ZFYVE16: variants seen among roughly 807,000 people sequenced by gnomAD.
The protein encoded by ZFYVE16 is zinc finger FYVE-type containing 16.
A neutral mutation model predicts 138.1 loss-of-function variants in ZFYVE16; 89 were observed. The observed-to-expected ratio is 0.64, with a 90% CI of 0.54 to 0.77. The LOEUF (loss-of-function observed/expected upper bound fraction) is 0.77, where lower values mean the gene tolerates loss of function less well. ZFYVE16 is among the 30% of genes least tolerant of loss of function. The pLI, the probability that ZFYVE16 is intolerant of heterozygous loss-of-function variation, is 0.00. For synonymous variants in ZFYVE16, 596 were observed against 618.3 expected, an observed-to-expected ratio of 0.96 and a Z score of 0.53; for missense variants, 1,793 against 1,786.7, an observed-to-expected ratio of 1.00 and a Z score of -0.06.
chr5:80,449,756 A>C lies in ZFYVE16; in HGVS notation c.3226+43A>C, dbSNP rs141765139. ...CTTATTTGCTTAATTGGTAAGCAGG[A>C]TTTCTGAATTAATTACATCTTCAGG... On this transcript the variant is annotated intron_variant, in intron 9 of 18. Transcript: ENST00000505560. 420 of 1,530,474 alleles carry C rather than the reference A, an allele frequency of 2.7e-4. 2 individuals carry two copies. The Middle Eastern group carries it at 3.2e-3, about 12-fold the overall frequency. The allele number at this position is 1,530,474 out of a possible 1,614,324, so 94.8% of individuals were successfully genotyped here.
At chr5:80,453,576 G>A (rs906881681) in intron 11 of ZFYVE16, among the ~76,000 whole-genome samples, 10 of 152,160 alleles carry the variant, frequency 6.6e-5, no homozygotes, top group Admixed American at 1.3e-4. Context: ...TGGTAATGAG[G>A]GGAAATTGTC....
intron 2 of ZFYVE16, among the ~76,000 whole-genome samples, chr5:80,432,024 G>A (rs1257186292): frequency 6.6e-6 from 1 of 152,172 alleles, no homozygotes; most frequent in Non-Finnish European, 1.5e-5. Context: ...GTAATTTATA[G>A]ATTCAGTGCC....
At chr5:80,441,473 C>G in intron 5 of ZFYVE16, 1 of 985,096 alleles carries the variant, frequency 1.0e-6, no homozygotes, top group Non-Finnish European at 1.2e-6. Context: ...ATTCATATGC[C>G]ACAGGAGAGC....
intron 3 of ZFYVE16, 148 bp downstream of exon 3, chr5:80,434,365 TGTTAGTTGATTCTTAGAC>T (rs1161249984): frequency 4.1e-6 from 3 of 733,334 alleles, no homozygotes; most frequent in Non-Finnish European, 6.8e-6. Flanking sequence ...CATAATAAGA[TGTTAGTTGATTCTTAGAC>T]TGAATGGGAC....
chr5:80,441,180 A>G (rs536961408), intron 5 of ZFYVE16: 2 of 985,428 alleles, frequency 2.0e-6, no homozygotes, highest in South Asian at 9.4e-5. Flanking sequence ...AAGCTCCCAT[A>G]TAATTATCTC....
In ZFYVE16 at chr5:80,472,894, G is replaced by C; in HGVS notation, c.4158G>C (p.Trp1386Cys). ...TGAGAGAATACGTGGATATCTGCTG[G>C]GTAGATGCTGAAGAAAAAGGAAACA... ...VDLREYVDIC[W>C]VDAEEKGNKG... Residue 1386 changes from tryptophan (W) to cysteine (C), a missense_variant, in exon 16 of 19, where the codon TGG becomes TGC. Physicochemically the swap from Trp to Cys is radical, Grantham distance 215. Transcript: ENST00000505560. 1 of 1,605,556 alleles carries C rather than the reference G, an allele frequency of 6.2e-7. No homozygotes were observed. Among genetic ancestry groups the C allele is most frequent in the Non-Finnish European group, 8.5e-7 (1 of 1,176,690 alleles).
In ZFYVE16 at chr5:80,448,224, A is replaced by G; in HGVS notation, c.2923A>G (p.Thr975Ala). 2 of 1,613,894 alleles carry G rather than the reference A, an allele frequency of 1.2e-6. No individual in the cohort carries two copies. The highest frequency in any genetic ancestry group is 1.7e-6 in the Non-Finnish European group (2 of 1,179,920). The change falls in exon 8 of 19, where the codon ACT becomes GCT. Residue 975 changes from threonine to alanine, a missense_variant. Physicochemically the swap from Thr to Ala is moderately conservative, Grantham distance 58. This residue lies in a region of ZFYVE16 where 1,295 missense variants were observed against 1,204.3 expected (regional missense o/e 1.08). Coordinates refer to ENST00000505560, the MANE Select transcript of ZFYVE16 (RefSeq NM_001284236.3). ...FTLDDDVFAE[T>A]EEPSSPTGVL... ...ACTAGATGATGATGTTTTTGCAGAA[A>G]CTGAAGAACCATCTAGTCCTACTGG...
chr5:80,432,333 G>T (rs1011453516), intron 2 of ZFYVE16, among the ~76,000 whole-genome samples: 2 of 152,182 alleles, frequency 1.3e-5, no homozygotes, highest in African/African-American at 4.8e-5. Flanking sequence ...AAGAAATGGG[G>T]AAAGGATTCC....
In ZFYVE16 at chr5:80,448,350, A is replaced by G; in HGVS notation, c.3049A>G (p.Asn1017Asp). ...CTGCAATAAGATTAGTCTTCTACCT[A>G]ATGATGAGGACAGTTTGCCCCCACT... ...YVCNKISLLPNDEDSLPPLLV... is the reference protein window; with the variant it reads ...YVCNKISLLPDDEDSLPPLLV... The change falls in exon 8 of 19, where the codon AAT (asparagine) becomes GAT (aspartate). Residue 1017 changes from asparagine to aspartate, a missense_variant. By Grantham distance (23) the Asn-to-Asp change is conservative. This residue lies in a region of ZFYVE16 where 1,295 missense variants were observed against 1,204.3 expected (regional missense o/e 1.08). Coordinates refer to ENST00000505560, the MANE Select transcript of ZFYVE16 (RefSeq NM_001284236.3). The G allele has an allele frequency of 6.3e-7, 1 of 1,598,944 alleles. No individual in the cohort carries two copies. The highest frequency in any genetic ancestry group is 1.3e-5 in the African/African-American group (1 of 74,896).
intron 6 of ZFYVE16, 22 bp from the exon 7 acceptor site, chr5:80,445,241 T>G (rs1751171309): frequency 1.9e-6 from 3 of 1,602,442 alleles, no homozygotes; most frequent in Non-Finnish European, 2.6e-6. Flanking sequence ...TTCAAATGTT[T>G]TACTTTTTCA....
chr5:80,408,107 C>G lies in ZFYVE16; in HGVS notation c.-140C>G, dbSNP rs951794154. ...CGGGGTAGCTCTTCACTCCTCAGCG[C>G]GACGTCGTGTCGAGTTCCCAAAAAG... On this transcript the variant is annotated 5_prime_UTR_variant, in exon 1 of 19. Transcript: ENST00000505560. 6.6e-6 allele frequency: 1 copy of G among 152,270 alleles called. No individual in the cohort carries two copies. The highest frequency in any genetic ancestry group is 2.4e-5 in the African/African-American group (1 of 41,466). The allele number at this position is 152,270 out of a possible 1,614,324, so 9.4% of individuals were successfully genotyped here. A position where few individuals can be genotyped will look rare whatever the true frequency, so the allele number is the denominator to read the frequency against.
In ZFYVE16 at chr5:80,474,755, G is replaced by A. The variant is rs115841290; in HGVS notation, c.4386G>A (p.Leu1462=). 1,073 of 1,613,860 alleles carry A rather than the reference G, an allele frequency of 6.6e-4. 5 individuals carry two copies. In the African/African-American group the frequency reaches 0.012, roughly 19 times the overall value. The change falls in exon 18 of 19, where the codon CTG becomes CTA. Residue 1462 remains leucine, a synonymous_variant. Transcript: ENST00000505560. ...TAGCCATGGCTTGTAGTGCTGCGCTGTGCCCTCACCTGAAAACTCTAAAAA... is the reference window on the plus strand; with the variant it reads ...TAGCCATGGCTTGTAGTGCTGCGCTATGCCCTCACCTGAAAACTCTAAAAA... ...KEIAMACSAA[L]CPHLKTLKSN...
rs772728020 is a variant in ZFYVE16 at position 80,437,536 on chromosome 5, T to G, written c.851T>G (p.Val284Gly). 5 of 1,614,050 alleles carry G rather than the reference T, an allele frequency of 3.1e-6. No homozygotes were observed. The African/African-American group carries it at 4.0e-5, about 13-fold the overall frequency. ...DVGLVKEEVD[V>G]AVITAAECLK... ...GGCTTAGTAAAAGAGGAAGTAGATG[T>G]GGCAGTCATAACTGCCGCAGAATGT... The change falls in exon 4 of 19, where the codon GTG becomes GGG. Residue 284 changes from valine (V) to glycine (G), a missense_variant. By Grantham distance (109) the Val-to-Gly change is moderately radical. Around this residue, in one of 2 missense-constraint regions of ZFYVE16, gnomAD observed 1,295 missense variants for 1,204.3 expected, o/e 1.08. Coordinates refer to ENST00000505560, the MANE Select transcript of ZFYVE16 (RefSeq NM_001284236.3).
At chr5:80,417,718 C>G (rs1343035735) in intron 1 of ZFYVE16, among the ~76,000 whole-genome samples, 1 of 152,116 alleles carries the variant, frequency 6.6e-6, no homozygotes, top group Non-Finnish European at 1.5e-5. Context: ...TATCCAAATA[C>G]CTAATGAAGT....
intron 1 of ZFYVE16, among the ~76,000 whole-genome samples, chr5:80,424,323 C>T (rs1747680455): frequency 6.6e-6 from 1 of 152,128 alleles, no homozygotes; most frequent in Non-Finnish European, 1.5e-5. Flanking sequence ...GTTCCATGAC[C>T]TTTTTTTGTT....
At position 80,440,682 on chromosome 5, in the gene ZFYVE16, G is replaced by GTGTA. The variant is rs988271300; in HGVS notation, c.2419+653_2419+654insATGT. On this transcript the variant is annotated intron_variant, in intron 5 of 18. Transcript: ENST00000505560. ...GGTGTGTGTGTGTGTGTGTGTGTGT[G>GTGTA]TGTGTGTGTGTGTGTGTGTGTGGTG... 1.0e-5 allele frequency: 10 copies of GTGTA among 982,868 alleles called. No individual in the cohort carries two copies. The African/African-American group carries it at 1.4e-4, about 14-fold the overall frequency. 60.9% of individuals were successfully genotyped at this position (982,868 alleles called of 1,614,324 possible). A position where few individuals can be genotyped will look rare whatever the true frequency, so the allele number is the denominator to read the frequency against.
Position 80,443,104 on chromosome 5 carries a change from ATTG to A in ZFYVE16, c.2420-16_2420-14del. The A allele has an allele frequency of 6.6e-7, 1 of 1,514,324 alleles. No individual in the cohort carries two copies. The highest frequency in any genetic ancestry group is 2.6e-5 in the East Asian group (1 of 38,776). 93.8% of individuals were successfully genotyped at this position (1,514,324 alleles called of 1,614,324 possible). On this transcript the variant is annotated splice_polypyrimidine_tract_variant and intron_variant, in intron 5 of 18. Transcript: ENST00000505560. The stretch of plus-strand genomic sequence containing the variant: ...CAAAAACATCTGAGATTTTAACACT[ATTG>A]TTTTCCCCTTTATAGCTCAGGCATT...
At position 80,468,300 on chromosome 5, in the gene ZFYVE16, G is replaced by T. The variant is rs541989685; in HGVS notation, c.4025-4461G>T. On this transcript the variant is annotated intron_variant, in intron 15 of 18. Transcript: ENST00000505560. ...CAGTTATGTGTTGCTTAGTGATGGG[G>T]ATACATTCTGAGAAATGTTTCATTA... is the stretch of plus-strand genomic sequence containing the variant. Among the ~76,000 whole-genome samples, 4 of 152,274 alleles carry T rather than the reference G, an allele frequency of 2.6e-5. No homozygotes were observed. The South Asian group carries it at 6.2e-4, about 24-fold the overall frequency.
rs879063505 is a variant in ZFYVE16, at chr5:80,479,370, T to G, written c.*1993T>G. 1 of 152,202 alleles carries G rather than the reference T, an allele frequency of 6.6e-6. No homozygotes were observed. Among genetic ancestry groups the G allele is most frequent in the Non-Finnish European group, 1.5e-5 (1 of 68,008 alleles). 9.4% of individuals were successfully genotyped at this position (152,202 alleles called of 1,614,324 possible). A position where few individuals can be genotyped will look rare whatever the true frequency, so the allele number is the denominator to read the frequency against. ...GTTTTATGCAGCTATTCAACAAACT[T>G]TGTGTGTTCGTATACTTGCTACATG... On this transcript the variant is annotated 3_prime_UTR_variant, in exon 19 of 19. Transcript: ENST00000505560.
Sources: gnomAD v4.1 joint callset for allele counts (sites outside exome capture counted in the v4.1 genomes callset) on GRCh38, gnomAD v4.1.1 for gene constraint, gnomAD v4.1.1 regional missense constraint, MANE v1.5 for transcripts, NCBI Gene and HGNC (gene_info 2026-07-23, HGNC 2026-07-21) for gene names.